The following KAZN variants were observed in gnomAD, a reference collection of about 807,000 sequenced individuals.
KAZN encodes the protein kazrin, periplakin interacting protein, also known as kazrin.
KAZN carries 40 observed loss-of-function variants against 87.4 expected under a neutral mutation model. The ratio of observed to expected loss-of-function variants is 0.46; its 90% CI spans 0.36 to 0.60. KAZN has a LOEUF of 0.60. Among genes scored for constraint, KAZN ranks in the 20% least tolerant of loss-of-function variants. The pLI, the probability that KAZN is intolerant of heterozygous loss-of-function variation, is 0.00. For synonymous variants in KAZN, 466 were observed against 458.3 expected (o/e 1.02, Z -0.22); for missense variants, 898 against 1,073.9 (o/e 0.84, Z 2.29).
intron 1 of KAZN, among the ~76,000 whole-genome samples, chr1:13,929,446 G>A (rs536417466): frequency 6.6e-6 from 1 of 152,260 alleles, no homozygotes; most frequent in East Asian, 1.9e-4. Flanking sequence ...TGTCTGGGAG[G>A]CACACTGCAG....
At chr1:15,080,965 G>A (rs1356641629) in intron 8 of KAZN, among the ~76,000 whole-genome samples, 1 of 152,232 alleles carries the variant, frequency 6.6e-6, no homozygotes, top group Non-Finnish European at 1.5e-5. Context: ...AAGAAATCTG[G>A]CCCCAAATGC....
intron 2 of KAZN, among the ~76,000 whole-genome samples, chr1:14,466,398 A>G (rs959418696): frequency 6.6e-6 from 1 of 152,184 alleles, no homozygotes; most frequent in Non-Finnish European, 1.5e-5. Flanking sequence ...GCAGGAACAG[A>G]AAACCAAATG....
chr1:14,012,041 T>C (rs1380950502), intron 1 of KAZN, among the ~76,000 whole-genome samples: 1 of 152,174 alleles, frequency 6.6e-6, no homozygotes, highest in Non-Finnish European at 1.5e-5. Context: ...GCTAGATGTC[T>C]TGCAATTCAC....
chr1:14,347,125 C>A (rs1032835344), intron 2 of KAZN, among the ~76,000 whole-genome samples: 4 of 152,170 alleles, frequency 2.6e-5, no homozygotes, highest in African/African-American at 9.7e-5. Context: ...ACGGGTGACA[C>A]CTTTGCTTTG....
intron 2 of KAZN, among the ~76,000 whole-genome samples, chr1:14,396,946 T>C (rs898670385): frequency 1.3e-5 from 2 of 151,926 alleles, no homozygotes; most frequent in Non-Finnish European, 2.9e-5. Flanking sequence ...AAAAATAAAG[T>C]GAGATCTATA....
chr1:14,541,705 T>G (rs1384601924), intron 2 of KAZN, among the ~76,000 whole-genome samples: 1 of 152,238 alleles, frequency 6.6e-6, no homozygotes, highest in Non-Finnish European at 1.5e-5. Context: ...CTCACTACTC[T>G]TACAAGTGTT....
intron 2 of KAZN, among the ~76,000 whole-genome samples, chr1:14,997,698 C>T (rs1668039947): frequency 6.6e-6 from 1 of 151,298 alleles, no homozygotes; most frequent in South Asian, 2.1e-4. Context: ...TGGACAGCCC[C>T]CTGAGGGTGG....
At chr1:14,691,447 A>T (rs1367686786) in intron 1 of KAZN, among the ~76,000 whole-genome samples, 1 of 152,182 alleles carries the variant, frequency 6.6e-6, no homozygotes, top group Non-Finnish European at 1.5e-5. Flanking sequence ...ATTAACAGAG[A>T]TGAACTCTAG....
chr1:14,398,695 A>G (rs888290495), intron 2 of KAZN, among the ~76,000 whole-genome samples: 1 of 152,184 alleles, frequency 6.6e-6, no homozygotes, highest in Admixed American at 6.5e-5. Flanking sequence ...ACTCTTTTCT[A>G]TCTTCTCTGA....
chr1:14,477,875 T>C (rs1467831027), intron 2 of KAZN, among the ~76,000 whole-genome samples: 1 of 152,112 alleles, frequency 6.6e-6, no homozygotes, highest in East Asian at 1.9e-4. Flanking sequence ...GCAGATAAAT[T>C]ACCTCCTCCT....
chr1:14,446,703 C>G (rs530844766), intron 2 of KAZN, among the ~76,000 whole-genome samples: 61 of 152,258 alleles, frequency 4.0e-4, no homozygotes, highest in African/African-American at 1.3e-3. Flanking sequence ...TCTTCATTCG[C>G]AGGTAGCTCA....
rs1256902603 is a variant in KAZN, at chr1:14,660,546, T to TA, written c.226+61323_226+61324insA. On this transcript the variant is annotated intron_variant, in intron 1 of 14. Coordinates refer to ENST00000376030, the MANE Select transcript of KAZN (RefSeq NM_201628.3). ...CCAAGTTTCTCTCTCTCTCTCTTTTTTTTTTTTTTTTTTTTTTTTGGCTTC... is the reference window on the plus strand; with the variant it reads ...CCAAGTTTCTCTCTCTCTCTCTTTTTATTTTTTTTTTTTTTTTTTTGGCTTC... 5.7e-5 allele frequency among the ~76,000 whole-genome samples: 8 copies of TA among 140,344 alleles called. No individual in the cohort carries two copies. The East Asian group carries it at 1.6e-3, about 29-fold the overall frequency. 92.1% of individuals were successfully genotyped at this position (140,344 alleles called of 152,430 possible).
intron 1 of KAZN, among the ~76,000 whole-genome samples, chr1:13,946,976 G>A (rs1641171159): frequency 6.6e-6 from 1 of 152,124 alleles, no homozygotes; most frequent in Non-Finnish European, 1.5e-5. Flanking sequence ...GGAGGCTTGG[G>A]GGGAGAATCC....
At chr1:14,252,824 C>T (rs1571147566) in intron 2 of KAZN, among the ~76,000 whole-genome samples, 4 of 152,100 alleles carry the variant, frequency 2.6e-5, no homozygotes, top group Non-Finnish European at 4.4e-5. Context: ...TCTTACAATC[C>T]GTTGTTGGTT....
intron 1 of KAZN, among the ~76,000 whole-genome samples, chr1:14,152,843 C>T (rs1364161719): frequency 6.6e-6 from 1 of 152,172 alleles, no homozygotes. Context: ...CATATCCTTG[C>T]CAGCATTTGT....
At chr1:14,965,637 T>G (rs1413293994) in intron 2 of KAZN, among the ~76,000 whole-genome samples, 1 of 152,274 alleles carries the variant, frequency 6.6e-6, no homozygotes, top group Non-Finnish European at 1.5e-5. Context: ...GCCGTTTCCC[T>G]ATTATTAGAC....
chr1:14,106,457 C>T (rs2101658389), intron 1 of KAZN, among the ~76,000 whole-genome samples: 1 of 152,322 alleles, frequency 6.6e-6, no homozygotes, highest in East Asian at 1.9e-4. Context: ...CTCAAGCCCC[C>T]TCCAGCCAGC....
At chr1:14,202,254 G>C (rs1311814199) in intron 2 of KAZN, among the ~76,000 whole-genome samples, 1 of 152,178 alleles carries the variant, frequency 6.6e-6, no homozygotes, top group Non-Finnish European at 1.5e-5. Flanking sequence ...CCTTGTCTGG[G>C]GTAGAACTGC....
At chr1:14,004,047 G>GA (rs1440414281) in intron 1 of KAZN, among the ~76,000 whole-genome samples, 1 of 151,580 alleles carries the variant, frequency 6.6e-6, no homozygotes, top group Non-Finnish European at 1.5e-5. Context: ...CAATTTAATA[G>GA]AAAAAATGGG....
Sources: gnomAD v4.1 joint callset for allele counts (sites outside exome capture counted in the v4.1 genomes callset) on GRCh38, gnomAD v4.1.1 for gene constraint, MANE v1.5 for transcripts, NCBI Gene and HGNC (gene_info 2026-07-23, HGNC 2026-07-21) for gene names.